The following TECTA variants were observed in gnomAD, a reference collection of about 807,000 sequenced individuals.
TECTA encodes the protein tectorin alpha, also known as alpha-tectorin.
Under a neutral mutation model 216.8 loss-of-function variants are expected in TECTA, and 128 were observed. The observed-to-expected ratio is 0.59, with a 90% CI of 0.51 to 0.68. The LOEUF is 0.68. Among genes scored for constraint, TECTA ranks in the 30% least tolerant of loss-of-function variants. The pLI, the probability that TECTA is intolerant of heterozygous loss-of-function variation, is 0.00. For synonymous variants in TECTA, 1,089 were observed against 1,117.1 expected, an observed-to-expected ratio of 0.97 and a Z score of 0.50; for missense variants, 2,551 against 2,786.2, an observed-to-expected ratio of 0.92 and a Z score of 1.90.
chr11:121,185,536 A>ATGAGTAGGGAAAG (rs1947276816), intron 20 of TECTA, among the ~76,000 whole-genome samples: 1 of 70,912 alleles, frequency 1.4e-5, no homozygotes, highest in Non-Finnish European at 2.7e-5. Context: ...TGCTTAATGA[A>ATGAGTAGGGAAAG]CGAGTAGGGA....
intron 8 of TECTA, among the ~76,000 whole-genome samples, chr11:121,126,488 T>A (rs999813775): frequency 2.6e-5 from 4 of 152,266 alleles, no homozygotes; most frequent in Admixed American, 2.0e-4. Context: ...ACCATTTAAT[T>A]GTCTTAGTAC....
intron 13 of TECTA, among the ~76,000 whole-genome samples, chr11:121,154,837 G>A (rs1946925710): frequency 6.6e-6 from 1 of 152,156 alleles, no homozygotes; most frequent in Non-Finnish European, 1.5e-5. Flanking sequence ...AGCTGCTATT[G>A]TTATTGTTGT....
intron 20 of TECTA, among the ~76,000 whole-genome samples, chr11:121,178,517 A>AGTGTGTGTAT: frequency 7.9e-6 from 1 of 127,276 alleles, no homozygotes; most frequent in South Asian, 3.0e-4. Flanking sequence ...GCTTGTAGTT[A>AGTGTGTGTAT]GTGTGTGTGT....
chr11:121,174,689 G>C (rs2134203096), intron 20 of TECTA, among the ~76,000 whole-genome samples: 1 of 152,150 alleles, frequency 6.6e-6, no homozygotes, highest in East Asian at 1.9e-4. Context: ...TTGGTATCAG[G>C]ATAATGCTGG....
At position 121,190,905 on chromosome 11, in the gene TECTA, G is replaced by A; in HGVS notation, c.*99G>A. 1 of 932,862 alleles carries A rather than the reference G, an allele frequency of 1.1e-6. No individual in the cohort carries two copies. Among genetic ancestry groups the A allele is most frequent in the Non-Finnish European group, 1.7e-6 (1 of 603,204 alleles). 57.8% of individuals were successfully genotyped at this position (932,862 alleles called of 1,614,324 possible). A position where few individuals can be genotyped will look rare whatever the true frequency, so the allele number is the denominator to read the frequency against. On this transcript the variant is annotated 3_prime_UTR_variant, in exon 24 of 24. Transcript: ENST00000392793. ...CTTAAGTCAAAACCTATTTGAAAGT[G>A]TCCAGCATCTCAAAATGATGCCACC...
In TECTA at chr11:121,166,652, C is replaced by T. The variant is rs281865415; in HGVS notation, c.5458C>T (p.Leu1820Phe). 2 of 1,614,218 alleles carry T rather than the reference C, an allele frequency of 1.2e-6. No homozygotes were observed. Among genetic ancestry groups the T allele is most frequent in the Non-Finnish European group, 1.7e-6 (2 of 1,180,034 alleles). The change falls in exon 18 of 24, where the codon CTC (leucine) becomes TTC (phenylalanine). Residue 1820 changes from leucine to phenylalanine, a missense_variant. This residue lies in a region of TECTA where 2,375 missense variants were observed against 2,563.9 expected (regional missense o/e 0.93). Coordinates refer to ENST00000392793, the MANE Select transcript of TECTA (RefSeq NM_005422.4). ...GGAAGTGTCCATATCTAAGTGCAAG[C>T]TCTTCCAGCTCGGTTTTGAGAGGGA... ...QMEVSISKCK[L>F]FQLGFEREGV...
intron 11 of TECTA, among the ~76,000 whole-genome samples, chr11:121,142,789 C>T (rs1024169036): frequency 2.6e-5 from 4 of 151,848 alleles, no homozygotes; most frequent in Non-Finnish European, 2.9e-5. Context: ...TTCCAGGTGC[C>T]GAGAGTGAGG....
chr11:121,123,211 A>G (rs1051026933), intron 7 of TECTA, among the ~76,000 whole-genome samples: 2 of 152,242 alleles, frequency 1.3e-5, no homozygotes, highest in African/African-American at 4.8e-5. Context: ...AAGACAAGTC[A>G]TTCCATTCCA....
intron 12 of TECTA, among the ~76,000 whole-genome samples, chr11:121,148,873 T>A (rs1477036594): frequency 6.6e-6 from 1 of 152,214 alleles, no homozygotes; most frequent in Admixed American, 6.5e-5. Flanking sequence ...AGTAGGGAAG[T>A]TAAATTGTCT....
At chr11:121,136,267 T>A (rs598696) in intron 10 of TECTA, among the ~76,000 whole-genome samples, 104,654 of 151,870 alleles carry the variant, frequency 0.69, 37,545 homozygotes, top group African/African-American at 0.91. Flanking sequence ...TGACCAAGAG[T>A]CTTGATCTTT....
chr11:121,115,549 G>T (rs1946493746), intron 6 of TECTA, among the ~76,000 whole-genome samples: 1 of 152,214 alleles, frequency 6.6e-6, no homozygotes, highest in South Asian at 2.1e-4. Context: ...GGAATGAGGA[G>T]GTGCCTTTAT....
chr11:121,129,596 C>A (rs1048363355), intron 9 of TECTA, 42 bp from the exon 10 acceptor site: 1 of 1,597,288 alleles, frequency 6.3e-7, no homozygotes, highest in Non-Finnish European at 8.6e-7. Flanking sequence ...GGAAAGTGCT[C>A]TGTGTGTCTC....
intron 3 of TECTA, among the ~76,000 whole-genome samples, chr11:121,106,632 C>G (rs1234855898): frequency 6.6e-6 from 1 of 152,124 alleles, no homozygotes; most frequent in Non-Finnish European, 1.5e-5. Flanking sequence ...AGCAGCCGAG[C>G]CTGGCTTTAT....
intron 20 of TECTA, 94 bp from the exon 21 acceptor site, chr11:121,187,738 T>G: frequency 1.4e-6 from 2 of 1,445,202 alleles, no homozygotes; most frequent in Non-Finnish European, 1.9e-6. Flanking sequence ...TTATGGTGGT[T>G]TTATGTGAAA....
At chr11:121,125,925 A>G (rs1946607538) in intron 8 of TECTA, 53 bp downstream of exon 8, 1 of 1,584,562 alleles carries the variant, frequency 6.3e-7, no homozygotes, top group Non-Finnish European at 8.5e-7. Flanking sequence ...GGGGGCAGGG[A>G]TAGGCTTTGG....
Position 121,158,179 on chromosome 11 carries a change from CA to C in TECTA, c.4645del (p.Ile1549LeufsTer16). 6.2e-7 allele frequency: 1 copy of C among 1,614,018 alleles called. No individual in the cohort carries two copies. The highest frequency in any genetic ancestry group is 8.5e-7 in the Non-Finnish European group (1 of 1,180,026). Reference sequence around the variant, plus strand: ...CCATCATTTCGCCCGTCTACTTCTACATTAACGAAGAGCAGATTCTCATCAA... The same window carrying C: ...CCATCATTTCGCCCGTCTACTTCTACTTAACGAAGAGCAGATTCTCATCAA... The part of the protein sequence containing the change: ...LTIISPVYFY[I>X]NEEQILINDR... On this transcript the variant is annotated frameshift_variant, in exon 14 of 24. Transcript: ENST00000392793. LOFTEE classifies it high-confidence loss of function.
rs1160962934 is a variant in TECTA at position 121,187,944 on chromosome 11, C to T, written c.6112C>T (p.Leu2038Phe). 4.3e-6 allele frequency: 7 copies of T among 1,614,130 alleles called. No individual in the cohort carries two copies. The highest frequency in any genetic ancestry group is 5.9e-6 in the Non-Finnish European group (7 of 1,180,052). ...CATAGGGGATTACGACGAAGTTCAC[C>T]TTCACTGTGCAGTGTCACTCTGCGA... ...KFIGDYDEVH[L>F]HCAVSLCDSE... The change falls in exon 21 of 24, where the codon CTT becomes TTT. Residue 2038 changes from leucine to phenylalanine, a missense_variant. By Grantham distance (22) the Leu-to-Phe change is conservative. Around this residue, in one of 3 missense-constraint regions of TECTA, gnomAD observed 58 missense variants for 105.9 expected, o/e 0.55. Coordinates refer to ENST00000392793, the MANE Select transcript of TECTA (RefSeq NM_005422.4).
chr11:121,150,342 G>A (rs556724298), intron 12 of TECTA, among the ~76,000 whole-genome samples: 7 of 152,112 alleles, frequency 4.6e-5, no homozygotes, highest in East Asian at 1.9e-4. Flanking sequence ...TTCTTACTCC[G>A]AAATAAAATC....
At chr11:121,134,461 G>A (rs528970853) in intron 10 of TECTA, among the ~76,000 whole-genome samples, 7 of 152,272 alleles carry the variant, frequency 4.6e-5, no homozygotes, top group East Asian at 1.9e-4. Flanking sequence ...GTGAGCCCCC[G>A]GGGAGGGACT....
Sources: gnomAD v4.1 joint callset for allele counts (sites outside exome capture counted in the v4.1 genomes callset) on GRCh38, gnomAD v4.1.1 for gene constraint, gnomAD v4.1.1 regional missense constraint, MANE v1.5 for transcripts, NCBI Gene and HGNC (gene_info 2026-07-23, HGNC 2026-07-21) for gene names.